The following EXOC4 variants were observed in gnomAD, a reference collection of about 807,000 sequenced individuals.
EXOC4 encodes the protein exocyst complex component 4.
EXOC4 carries 71 observed loss-of-function variants against 107.2 expected under a neutral mutation model. That is an observed-to-expected ratio of 0.66 (90% CI 0.55 to 0.81). The LOEUF (loss-of-function observed/expected upper bound fraction) is 0.81. Ranked by LOEUF, EXOC4 falls within the 30% of genes least tolerant of loss-of-function variation. EXOC4 has a pLI of 0.00. For missense variants in EXOC4, 1,108 were observed against 1,189.6 expected, an observed-to-expected ratio of 0.93 and a Z score of 1.01; for synonymous variants, 456 against 441.2, an observed-to-expected ratio of 1.03 and a Z score of -0.42.
At chr7:133,479,843 G>C (rs1437250609) in intron 8 of EXOC4, among the ~76,000 whole-genome samples, 1 of 152,260 alleles carries the variant, frequency 6.6e-6, no homozygotes, top group Non-Finnish European at 1.5e-5. Context: ...AAATACGGTT[G>C]TAAAGGAGCC....
At chr7:133,295,140 G>C (rs1451655034) in intron 3 of EXOC4, among the ~76,000 whole-genome samples, 1 of 152,110 alleles carries the variant, frequency 6.6e-6, no homozygotes, top group Non-Finnish European at 1.5e-5. Flanking sequence ...CTGCCTTTGA[G>C]GTGGACTTCT....
chr7:133,788,547 C>T (rs1796637967), intron 10 of EXOC4, among the ~76,000 whole-genome samples: 1 of 151,996 alleles, frequency 6.6e-6, no homozygotes, highest in African/African-American at 2.4e-5. Context: ...CTGGAGAGTA[C>T]AGTGGTGTGA....
intron 10 of EXOC4, among the ~76,000 whole-genome samples, chr7:133,817,004 C>T (rs909392694): frequency 5.9e-5 from 9 of 152,256 alleles, no homozygotes; most frequent in Admixed American, 2.6e-4. Context: ...TTTTTAATTT[C>T]ACAATAATTT....
chr7:133,911,480 A>G (rs574059833), intron 12 of EXOC4, among the ~76,000 whole-genome samples: 1 of 152,324 alleles, frequency 6.6e-6, no homozygotes. Context: ...TAACATATTT[A>G]TTGTTGAGGG....
chr7:134,004,005 C>T (rs1359293684), intron 15 of EXOC4, among the ~76,000 whole-genome samples: 1 of 152,106 alleles, frequency 6.6e-6, no homozygotes, highest in South Asian at 2.1e-4. Context: ...GAGACTCAAG[C>T]ATCACCTTCT....
chr7:133,588,615 G>A (rs930361320), intron 9 of EXOC4, among the ~76,000 whole-genome samples: 1 of 152,040 alleles, frequency 6.6e-6, no homozygotes, highest in Admixed American at 6.6e-5. Context: ...ATATATGGCC[G>A]GGTGTGGTGG....
intron 6 of EXOC4, among the ~76,000 whole-genome samples, chr7:133,372,891 C>A (rs1472733278): frequency 6.6e-6 from 1 of 152,160 alleles, no homozygotes; most frequent in East Asian, 1.9e-4. Flanking sequence ...AACTGCCATT[C>A]ATGGCAGAAA....
At chr7:133,918,170 C>T (rs1051851344) in intron 13 of EXOC4, among the ~76,000 whole-genome samples, 6 of 151,714 alleles carry the variant, frequency 4.0e-5, no homozygotes, top group African/African-American at 9.7e-5. Context: ...TTAGTAGAGA[C>T]GGGGTTTCAC....
chr7:133,909,272 G>A lies in EXOC4; in HGVS notation c.1872-8311G>A, dbSNP rs372564920. Among the ~76,000 whole-genome samples the A allele has an allele frequency of 1.9e-4, 29 of 152,260 alleles. No homozygotes were observed. In the South Asian group the frequency reaches 2.7e-3, roughly 14 times the overall value. ...TTGACTAGGTAAGGTCCTTGCTTTC[G>A]TGGATTTTACACCTTAATGGAGGGA... On this transcript the variant is annotated intron_variant, in intron 12 of 17. Transcript: ENST00000253861.
intron 5 of EXOC4, among the ~76,000 whole-genome samples, chr7:133,322,774 A>G (rs962394912): frequency 2.0e-5 from 3 of 152,172 alleles, no homozygotes; most frequent in Non-Finnish European, 4.4e-5. Context: ...TGGTAGCTTG[A>G]TGGGGATAGT....
intron 10 of EXOC4, among the ~76,000 whole-genome samples, chr7:133,712,567 A>T (rs1794918350): frequency 1.3e-5 from 2 of 152,012 alleles, no homozygotes; most frequent in African/African-American, 4.8e-5. Flanking sequence ...TTAAACATAG[A>T]ATTAGCATAT....
chr7:133,650,382 A>G (rs1336160303), intron 10 of EXOC4, among the ~76,000 whole-genome samples: 3 of 152,106 alleles, frequency 2.0e-5, no homozygotes, highest in African/African-American at 7.2e-5. Context: ...TCTAGGCTCA[A>G]TTGATCCTCC....
At chr7:134,085,614 T>C in the EXOC4 span, among the ~76,000 whole-genome samples, 1 of 152,284 alleles carries the variant, frequency 6.6e-6, no homozygotes, top group African/African-American at 2.4e-5. Context: ...CTCCTTAGAA[T>C]TGTCACATTT....
At chr7:133,853,752 T>C (rs1191814876) in intron 11 of EXOC4, among the ~76,000 whole-genome samples, 1 of 152,126 alleles carries the variant, frequency 6.6e-6, no homozygotes, top group Non-Finnish European at 1.5e-5. Flanking sequence ...CATGTTTGTA[T>C]TCATCTCTGA....
At chr7:133,914,149 G>A (rs972918980) in intron 12 of EXOC4, among the ~76,000 whole-genome samples, 10 of 152,262 alleles carry the variant, frequency 6.6e-5, no homozygotes, top group East Asian at 1.9e-4. Context: ...AGTTTGGTGC[G>A]AATAGATTTA....
intron 11 of EXOC4, among the ~76,000 whole-genome samples, chr7:133,824,403 C>G (rs1797649973): frequency 6.6e-6 from 1 of 152,078 alleles, no homozygotes; most frequent in South Asian, 2.1e-4. Context: ...TCTGTTCTTT[C>G]TACTCTAGCA....
intron 9 of EXOC4, among the ~76,000 whole-genome samples, chr7:133,542,019 AC>A (rs1800390057): frequency 6.6e-6 from 1 of 151,994 alleles, no homozygotes; most frequent in African/African-American, 2.4e-5. Context: ...TTTTTTTAGG[AC>A]ACAGTGTAAG....
intron 10 of EXOC4, among the ~76,000 whole-genome samples, chr7:133,788,874 TCTGA>T (rs1452496282): frequency 6.6e-6 from 1 of 152,052 alleles, no homozygotes; most frequent in East Asian, 1.9e-4. Flanking sequence ...GTATGGAGAA[TCTGA>T]CTTTTTCTAG....
At chr7:133,849,103 T>C (rs1798191447) in intron 11 of EXOC4, among the ~76,000 whole-genome samples, 1 of 152,152 alleles carries the variant, frequency 6.6e-6, no homozygotes, top group African/African-American at 2.4e-5. Flanking sequence ...AGAATTTTCA[T>C]CATACGGATA....
Sources: gnomAD v4.1 joint callset for allele counts (sites outside exome capture counted in the v4.1 genomes callset) on GRCh38, gnomAD v4.1.1 for gene constraint, MANE v1.5 for transcripts, NCBI Gene and HGNC (gene_info 2026-07-23, HGNC 2026-07-21) for gene names.